Variants in NOL4L observed in about 807,000 individuals in gnomAD.
The protein encoded by NOL4L is nucleolar protein 4 like.
NOL4L carries 7 observed loss-of-function variants against 64.5 expected under a neutral mutation model. The observed-to-expected ratio is 0.11, with a 90% confidence interval of 0.06 to 0.20. The LOEUF is 0.20. Ranked by LOEUF, NOL4L falls within the 10% of genes least tolerant of loss-of-function variation. The pLI is 1.00. For synonymous variants in NOL4L, 413 were observed against 401.0 expected (o/e 1.03, Z -0.36); for missense variants, 680 against 967.1 (o/e 0.70, Z 3.94).
chr20:32,453,856 C>G lies in NOL4L; in HGVS notation c.1120-95G>C. 1 of 1,163,816 alleles carries G rather than the reference C, an allele frequency of 8.6e-7. No individual in the cohort carries two copies. Among genetic ancestry groups the G allele is most frequent in the East Asian group, 2.6e-5 (1 of 38,932 alleles). The allele number at this position is 1,163,816 out of a possible 1,614,324, so 72.1% of individuals were successfully genotyped here. On this transcript the variant is annotated intron_variant, in intron 6 of 10. Transcript: ENST00000621426. The surrounding 1 kb of genome is among the most constrained non-coding windows in gnomAD (Gnocchi z 5.6). ...GCGGTGAGCTTGGGGACCAGGGTGG[C>G]ACGCATGCCCTGCTGCCACGAGAGC...
At chr20:32,457,026 G>A (rs1425861027) in intron 5 of NOL4L, among the ~76,000 whole-genome samples, 1 of 152,238 alleles carries the variant, frequency 6.6e-6, no homozygotes, top group Non-Finnish European at 1.5e-5. Context: ...CACGGCCTGG[G>A]ACGTGCAAAG....
intron 4 of NOL4L, among the ~76,000 whole-genome samples, chr20:32,488,515 GCTACA>G (rs2016192343): frequency 6.6e-6 from 1 of 152,128 alleles, no homozygotes; most frequent in Non-Finnish European, 1.5e-5. Flanking sequence ...CTCTCTAAAT[GCTACA>G]CTAGTTTACT....
chr20:32,458,747 G>A (rs745398523), intron 5 of NOL4L, among the ~76,000 whole-genome samples: 2 of 152,260 alleles, frequency 1.3e-5, no homozygotes, highest in African/African-American at 2.4e-5. Flanking sequence ...GGCACACAGT[G>A]AGCAAGTGGT....
chr20:32,479,853 G>A (rs1243530988), intron 4 of NOL4L, among the ~76,000 whole-genome samples: 1 of 152,232 alleles, frequency 6.6e-6, no homozygotes, highest in Non-Finnish European at 1.5e-5. Context: ...CCCAACCTGG[G>A]AGCCCTGCCT....
At chr20:32,514,822 T>C (rs1222917980) in intron 3 of NOL4L, among the ~76,000 whole-genome samples, 3 of 152,050 alleles carry the variant, frequency 2.0e-5, no homozygotes, top group Non-Finnish European at 1.5e-5. Flanking sequence ...GGACTGAGAA[T>C]TCTGCCATTT....
chr20:32,560,009 G>C (rs1012754694), intron 1 of NOL4L, among the ~76,000 whole-genome samples: 1 of 152,230 alleles, frequency 6.6e-6, no homozygotes, highest in East Asian at 1.9e-4. Flanking sequence ...CCTGGCACTC[G>C]GGCTGCCTTC....
chr20:32,486,888 T>C, intron 4 of NOL4L: 1 of 418,618 alleles, frequency 2.4e-6, no homozygotes, highest in Admixed American at 3.1e-5. Context: ...AGACAAGAAA[T>C]CCAGAAAGAG....
intron 5 of NOL4L, among the ~76,000 whole-genome samples, chr20:32,470,991 G>A (rs969651974): frequency 3.9e-5 from 6 of 152,252 alleles, no homozygotes. Flanking sequence ...AAGCACCAGT[G>A]GCTGTGATCG....
intron 1 of NOL4L, among the ~76,000 whole-genome samples, chr20:32,583,807 T>C (rs981307511): frequency 7.2e-6 from 1 of 137,946 alleles, no homozygotes; most frequent in Non-Finnish European, 1.6e-5. Context: ...CCCCGCCCCC[T>C]CCCCCACGCC....
chr20:32,471,781 G>A (rs1456889612), intron 5 of NOL4L, among the ~76,000 whole-genome samples: 1 of 152,070 alleles, frequency 6.6e-6, no homozygotes, highest in East Asian at 1.9e-4. Context: ...GTTCATGCGA[G>A]AGCTGGTTAT....
chr20:32,564,300 A>C (rs1279869843), intron 1 of NOL4L, among the ~76,000 whole-genome samples: 1 of 152,214 alleles, frequency 6.6e-6, no homozygotes. Flanking sequence ...GATTCCCACG[A>C]ACGTTCCAGC....
chr20:32,488,776 TTCCTTC>T (rs2016230658), intron 4 of NOL4L, among the ~76,000 whole-genome samples: 2 of 51,466 alleles, frequency 3.9e-5, no homozygotes, highest in East Asian at 1.7e-3. Flanking sequence ...CCTTCCTTCC[TTCCTTC>T]CTTCCTTCCT....
chr20:32,521,916 G>C (rs2017953008), intron 2 of NOL4L, among the ~76,000 whole-genome samples: 1 of 152,258 alleles, frequency 6.6e-6, no homozygotes, highest in Non-Finnish European at 1.5e-5. Flanking sequence ...GCGTTCCGCT[G>C]TCCTCGCCGC....
chr20:32,448,538 C>T (rs1393722104), intron 10 of NOL4L, among the ~76,000 whole-genome samples: 1 of 152,166 alleles, frequency 6.6e-6, no homozygotes, highest in Admixed American at 6.5e-5. Flanking sequence ...GTGTGTGAAG[C>T]CTCTTTCTGC....
chr20:32,560,707 T>C (rs973223214), intron 1 of NOL4L, among the ~76,000 whole-genome samples: 1 of 151,960 alleles, frequency 6.6e-6, no homozygotes, highest in Non-Finnish European at 1.5e-5. Flanking sequence ...ACAGCAAGGA[T>C]TTGGTGGAGT....
rs1250361797 is a variant in NOL4L, at chr20:32,453,458, C to T, written c.1343G>A (p.Arg448His). Reference protein sequence around the residue: ...VRLFVDENLDRMVPISKQPKE... With the variant: ...VRLFVDENLDHMVPISKQPKE... Reference sequence around the variant, plus strand: ...GGGCTGCTTGGAGATGGGCACCATGCGGTCCAGGTTCTCGTCCACAAAGAG... The same window carrying T: ...GGGCTGCTTGGAGATGGGCACCATGTGGTCCAGGTTCTCGTCCACAAAGAG... The change falls in exon 8 of 11, where the codon CGC (arginine) becomes CAC (histidine). Residue 448 changes from arginine to histidine, a missense_variant. By Grantham distance (29) the Arg-to-His change is conservative. This residue lies in a region of NOL4L where 70 missense variants were observed against 166.1 expected (regional missense o/e 0.42). Coordinates refer to ENST00000621426, the MANE Select transcript of NOL4L (RefSeq NM_001256798.2). This position sits in a 1 kb window ranked among gnomAD's most constrained non-coding sequence, Gnocchi z 5.6. 1 of 1,614,088 alleles carries T rather than the reference C, an allele frequency of 6.2e-7. No individual in the cohort carries two copies. Among genetic ancestry groups the T allele is most frequent in the Non-Finnish European group, 8.5e-7 (1 of 1,180,014 alleles).
chr20:32,452,874 T>C lies in NOL4L; in HGVS notation c.1620+10A>G. ...GGAGCGGCCCCTGTAGTGGCTGCGG[T>C]GGCAGGTACCTGTGAGGACTGGTAG... On this transcript the variant is annotated intron_variant, in intron 9 of 10. Transcript: ENST00000621426. 2 of 1,613,152 alleles carry C rather than the reference T, an allele frequency of 1.2e-6. No individual in the cohort carries two copies. Among genetic ancestry groups the C allele is most frequent in the South Asian group, 1.1e-5 (1 of 91,060 alleles).
intron 10 of NOL4L, among the ~76,000 whole-genome samples, chr20:32,450,999 G>T (rs2012842095): frequency 1.3e-5 from 2 of 152,158 alleles, no homozygotes; most frequent in African/African-American, 2.4e-5. Context: ...GGTGGCGGGG[G>T]TCAAGGCGAG....
chr20:32,452,162 GC>G (rs774784737), intron 10 of NOL4L, 73 bp downstream of exon 10: 1 of 1,324,860 alleles, frequency 7.5e-7, no homozygotes, highest in Non-Finnish European at 9.9e-7. Context: ...TCCCCATTCC[GC>G]TGCCCAGGGC....
Sources: gnomAD v4.1 joint callset for allele counts (sites outside exome capture counted in the v4.1 genomes callset) on GRCh38, gnomAD v4.1.1 for gene constraint, gnomAD v4.1.1 regional missense constraint, Gnocchi (gnomAD v3.1) non-coding constraint, MANE v1.5 for transcripts, NCBI Gene and HGNC (gene_info 2026-07-23, HGNC 2026-07-21) for gene names.